The following RBFOX1 variants were observed in gnomAD, a reference collection of about 807,000 sequenced individuals.
RBFOX1 encodes RNA binding fox-1 homolog 1.
RBFOX1 carries 8 observed loss-of-function variants against 57.7 expected under a neutral mutation model. That is an observed-to-expected ratio of 0.14 (90% CI 0.08 to 0.25). The LOEUF is 0.25. Ranked by LOEUF, RBFOX1 falls within the 10% of genes least tolerant of loss-of-function variation. RBFOX1 has a pLI of 1.00. For missense variants in RBFOX1, 611 were observed against 548.5 expected, an observed-to-expected ratio of 1.11 and a Z score of -1.14; for synonymous variants, 326 against 222.4, an observed-to-expected ratio of 1.47 and a Z score of -4.15.
chr16:5,366,421 C>A, intron 1 of RBFOX1: 1 of 444,718 alleles, frequency 2.2e-6, no homozygotes, highest in Non-Finnish European at 4.3e-6. Context: ...AAAATGCACA[C>A]AAGTCAAATC....
At chr16:6,388,099 C>G (rs112723699) in intron 2 of RBFOX1, among the ~76,000 whole-genome samples, 68,262 of 150,568 alleles carry the variant, frequency 0.45, 15,742 homozygotes, top group South Asian at 0.73. Flanking sequence ...TCTGCCTCAG[C>G]CTCCCGAGTA....
At chr16:6,654,563 G>T (rs568988826) in intron 2 of RBFOX1, 40 bp from the exon 3 acceptor site, 2 of 1,466,326 alleles carry the variant, frequency 1.4e-6, no homozygotes, top group Non-Finnish European at 9.1e-7. Context: ...TCTGACTCCT[G>T]TTCTTTCTCT....
chr16:6,972,565 C>A (rs1039419349), intron 3 of RBFOX1, among the ~76,000 whole-genome samples: 1 of 152,064 alleles, frequency 6.6e-6, no homozygotes, highest in East Asian at 1.9e-4. Flanking sequence ...AAATATATTG[C>A]AGCAGATTTT....
chr16:7,193,185 T>C (rs112663823), intron 4 of RBFOX1, among the ~76,000 whole-genome samples: 1 of 152,196 alleles, frequency 6.6e-6, no homozygotes. Flanking sequence ...AGGGTTGTTA[T>C]AAGTGAAGAG....
At chr16:7,105,445 G>A (rs899636931) in intron 4 of RBFOX1, among the ~76,000 whole-genome samples, 2 of 152,000 alleles carry the variant, frequency 1.3e-5, no homozygotes, top group East Asian at 1.9e-4. Context: ...AGTATACACT[G>A]CACCCAATTT....
intron 3 of RBFOX1, among the ~76,000 whole-genome samples, chr16:7,027,066 T>C (rs148502881): frequency 1.3e-5 from 2 of 152,226 alleles, no homozygotes; most frequent in Non-Finnish European, 2.9e-5. Flanking sequence ...CTTGCTGAGA[T>C]AGTCTGGTAG....
intron 4 of RBFOX1, among the ~76,000 whole-genome samples, chr16:7,227,081 G>T (rs533137286): frequency 1.3e-5 from 2 of 152,234 alleles, no homozygotes; most frequent in African/African-American, 2.4e-5. Flanking sequence ...TACCTGGCCA[G>T]TTTCTGTCAT....
At chr16:7,447,899 G>A (rs1201427872) in intron 4 of RBFOX1, among the ~76,000 whole-genome samples, 1 of 152,228 alleles carries the variant, frequency 6.6e-6, no homozygotes, top group African/African-American at 2.4e-5. Context: ...ACCCCCTGGA[G>A]GGGAGGGGCC....
intron 4 of RBFOX1, among the ~76,000 whole-genome samples, chr16:7,387,920 A>G (rs2097912093): frequency 6.6e-6 from 1 of 151,880 alleles, no homozygotes; most frequent in Admixed American, 6.6e-5. Flanking sequence ...TTTCGCCTTT[A>G]TTTTACGCCA....
chr16:5,713,926 T>C (rs1442001903), intron 3 of RBFOX1, among the ~76,000 whole-genome samples: 1 of 152,224 alleles, frequency 6.6e-6, no homozygotes, highest in African/African-American at 2.4e-5. Flanking sequence ...AGTGACCTCT[T>C]TCTGGGAGAC....
intron 1 of RBFOX1, among the ~76,000 whole-genome samples, chr16:6,211,754 T>G (rs2097299417): frequency 1.3e-5 from 2 of 152,150 alleles, no homozygotes; most frequent in Non-Finnish European, 1.5e-5. Context: ...TTCTAAGAAT[T>G]GATTTTGTAC....
At chr16:7,254,934 A>G (rs560139934) in intron 4 of RBFOX1, among the ~76,000 whole-genome samples, 14 of 152,276 alleles carry the variant, frequency 9.2e-5, no homozygotes, top group East Asian at 3.9e-4. Flanking sequence ...TCAAATTTCA[A>G]TTCACTCATT....
chr16:6,861,356 G>T (rs997079956), intron 3 of RBFOX1, among the ~76,000 whole-genome samples: 4 of 152,082 alleles, frequency 2.6e-5, no homozygotes, highest in Non-Finnish European at 5.9e-5. Context: ...GTAAAGAGAT[G>T]CAGTACCCTC....
chr16:5,575,763 A>G (rs781557913), intron 2 of RBFOX1, among the ~76,000 whole-genome samples: 3 of 152,122 alleles, frequency 2.0e-5, no homozygotes, highest in Non-Finnish European at 2.9e-5. Flanking sequence ...AGATAACTCT[A>G]TCTTTATTTG....
intron 1 of RBFOX1, among the ~76,000 whole-genome samples, chr16:5,381,258 A>T (rs2066123777): frequency 6.6e-6 from 1 of 152,224 alleles, no homozygotes; most frequent in African/African-American, 2.4e-5. Context: ...TCATCATCAC[A>T]TCCATGCATA....
intron 4 of RBFOX1, among the ~76,000 whole-genome samples, chr16:7,367,535 C>T (rs2097479244): frequency 6.6e-6 from 1 of 152,144 alleles, no homozygotes; most frequent in Non-Finnish European, 1.5e-5. Flanking sequence ...AACATCTCTT[C>T]CAGGTTTGCA....
At chr16:6,272,075 A>G (rs183135679) in intron 1 of RBFOX1, among the ~76,000 whole-genome samples, 154 of 152,282 alleles carry the variant, frequency 1.0e-3, no homozygotes, top group African/African-American at 3.1e-3. Context: ...ATTCAACAAT[A>G]TATAATAATA....
intron 3 of RBFOX1, among the ~76,000 whole-genome samples, chr16:6,802,333 C>A (rs1049098091): frequency 1.3e-5 from 2 of 152,124 alleles, no homozygotes; most frequent in Non-Finnish European, 2.9e-5. Flanking sequence ...CTGGGAATTT[C>A]ATTGCTTGGA....
At chr16:7,591,555 A>G (rs1189866334) in intron 7 of RBFOX1, among the ~76,000 whole-genome samples, 4 of 152,308 alleles carry the variant, frequency 2.6e-5, no homozygotes, top group African/African-American at 7.2e-5. Context: ...TGGTCTGGCA[A>G]TCCTCTTAAG....
Sources: allele counts gnomAD v4.1 joint callset (sites outside exome capture counted in the v4.1 genomes callset), GRCh38; gene constraint gnomAD v4.1.1; transcripts MANE v1.5; gene names NCBI Gene and HGNC (gene_info 2026-07-23, HGNC 2026-07-21).